The following PTPRT variants were observed in gnomAD, a reference collection of about 807,000 sequenced individuals.
PTPRT encodes receptor-type tyrosine-protein phosphatase T.
A neutral mutation model predicts 176.8 loss-of-function variants in PTPRT; 56 were observed. The ratio of observed to expected loss-of-function variants is 0.32; its 90% confidence interval spans 0.26 to 0.40. The LOEUF is 0.40. Among genes scored for constraint, PTPRT ranks in the 10% least tolerant of loss-of-function variants. PTPRT has a pLI of 1.00. For missense variants in PTPRT, 1,540 were observed against 1,908.2 expected, an observed-to-expected ratio of 0.81 and a Z score of 3.60; for synonymous variants, 783 against 739.0, an observed-to-expected ratio of 1.06 and a Z score of -0.96.
chr20:42,756,846 T>A (rs2076840877), intron 5 of PTPRT, among the ~76,000 whole-genome samples: 1 of 151,598 alleles, frequency 6.6e-6, no homozygotes, highest in South Asian at 2.1e-4. Flanking sequence ...AGGCCAGGAG[T>A]TTGAGACCAG....
chr20:42,590,137 T>A (rs991155453), intron 7 of PTPRT, among the ~76,000 whole-genome samples: 5 of 152,252 alleles, frequency 3.3e-5, no homozygotes, highest in African/African-American at 1.2e-4. Context: ...CCAAGCCACA[T>A]GAAGAGGTCA....
At chr20:42,136,804 G>A (rs1988401850) in intron 18 of PTPRT, among the ~76,000 whole-genome samples, 1 of 152,228 alleles carries the variant, frequency 6.6e-6, no homozygotes. Context: ...GGAAACACCA[G>A]CAGGGGAGTG....
intron 16 of PTPRT, among the ~76,000 whole-genome samples, chr20:42,177,115 A>G (rs1289592005): frequency 2.6e-5 from 4 of 152,212 alleles, no homozygotes; most frequent in African/African-American, 4.8e-5. Context: ...AATTAGACCA[A>G]TGCTTCTCAA....
At chr20:43,099,608 T>G (rs62205304) in intron 1 of PTPRT, among the ~76,000 whole-genome samples, 20,482 of 152,072 alleles carry the variant, frequency 0.13, 1,421 homozygotes, top group South Asian at 0.17. Flanking sequence ...ACCTCCTAAT[T>G]TCCACCTTTA....
At position 42,102,371 on chromosome 20, in the gene PTPRT, C is replaced by T; in HGVS notation, c.3541-74G>A. The T allele has an allele frequency of 2.7e-6, 4 of 1,498,804 alleles. No homozygotes were observed. In the South Asian group the frequency reaches 4.9e-5, roughly 18 times the overall value. 92.8% of individuals were successfully genotyped at this position (1,498,804 alleles called of 1,614,324 possible). On this transcript the variant is annotated intron_variant, in intron 25 of 30. Coordinates refer to ENST00000373187, the MANE Select transcript of PTPRT (RefSeq NM_007050.6). ...CTGAGCAAAAGAGACAGTAATGTTC[C>T]AACTCAGCCTAACTCGCCTATTTCC...
At chr20:42,852,457 T>G (rs1262005629) in intron 2 of PTPRT, among the ~76,000 whole-genome samples, 2 of 152,010 alleles carry the variant, frequency 1.3e-5, no homozygotes, top group African/African-American at 4.8e-5. Context: ...ACCTGCTAAT[T>G]TTTTTTTAGA....
intron 1 of PTPRT, among the ~76,000 whole-genome samples, chr20:42,908,890 C>T (rs981441591): frequency 4.6e-5 from 7 of 152,118 alleles, no homozygotes; most frequent in African/African-American, 1.7e-4. Flanking sequence ...GGTGCCAGGG[C>T]TCATGTTTAT....
intron 9 of PTPRT, among the ~76,000 whole-genome samples, chr20:42,437,374 C>G (rs1398501596): frequency 6.6e-6 from 1 of 152,154 alleles, no homozygotes; most frequent in Non-Finnish European, 1.5e-5. Flanking sequence ...GGGAAAGAAG[C>G]CAACTAGTTC....
At chr20:42,907,878 C>A (rs569128901) in intron 1 of PTPRT, among the ~76,000 whole-genome samples, 1 of 152,070 alleles carries the variant, frequency 6.6e-6, no homozygotes. Context: ...CCAGGTGCCC[C>A]AAAACAGCCC....
chr20:42,241,868 T>C (rs1040543525), intron 14 of PTPRT, among the ~76,000 whole-genome samples: 1 of 152,112 alleles, frequency 6.6e-6, no homozygotes, highest in African/African-American at 2.4e-5. Context: ...GCCACAGAAT[T>C]TGGCATCTCA....
intron 2 of PTPRT, among the ~76,000 whole-genome samples, chr20:42,824,670 TAA>T (rs1261091448): frequency 6.6e-6 from 1 of 151,848 alleles, no homozygotes; most frequent in Non-Finnish European, 1.5e-5. Flanking sequence ...TGAAGAAGAA[TAA>T]AAAATCAAAT....
chr20:43,112,822 T>C (rs150646021), intron 1 of PTPRT, among the ~76,000 whole-genome samples: 2 of 152,340 alleles, frequency 1.3e-5, no homozygotes, highest in East Asian at 3.9e-4. Flanking sequence ...TGTTGGGGTT[T>C]TGCATGTAAC....
intron 15 of PTPRT, among the ~76,000 whole-genome samples, chr20:42,212,926 T>C (rs1279923195): frequency 3.9e-5 from 6 of 152,242 alleles, no homozygotes; most frequent in African/African-American, 1.4e-4. Flanking sequence ...CAGCTTTGGC[T>C]GAGCACATCA....
chr20:42,455,784 GT>G (rs1435830426), intron 8 of PTPRT, among the ~76,000 whole-genome samples: 3 of 152,050 alleles, frequency 2.0e-5, no homozygotes, highest in Non-Finnish European at 2.9e-5. Flanking sequence ...ATATTCAATT[GT>G]TTCTGTTAGA....
intron 13 of PTPRT, among the ~76,000 whole-genome samples, chr20:42,278,721 AC>A (rs1367890787): frequency 6.6e-6 from 1 of 152,108 alleles, no homozygotes; most frequent in Non-Finnish European, 1.5e-5. Flanking sequence ...GAATTGAGAT[AC>A]CTGGGTACCT....
At chr20:43,083,272 C>T (rs928748138) in intron 1 of PTPRT, among the ~76,000 whole-genome samples, 1 of 132,364 alleles carries the variant, frequency 7.6e-6, no homozygotes, top group Non-Finnish European at 1.6e-5. Context: ...ATTTTGAATG[C>T]TTTTTTGAGG....
intron 7 of PTPRT, among the ~76,000 whole-genome samples, chr20:42,550,166 G>C (rs1459548497): frequency 6.6e-6 from 1 of 152,102 alleles, no homozygotes; most frequent in Non-Finnish European, 1.5e-5. Flanking sequence ...TATCCTGATA[G>C]GTTGCCAATC....
At chr20:42,635,313 AG>A (rs1447619971) in intron 7 of PTPRT, among the ~76,000 whole-genome samples, 1 of 152,170 alleles carries the variant, frequency 6.6e-6, no homozygotes, top group African/African-American at 2.4e-5. Flanking sequence ...GATAGCAAAG[AG>A]AACTCCAGTA....
intron 14 of PTPRT, among the ~76,000 whole-genome samples, chr20:42,243,774 C>T (rs1384446236): frequency 6.6e-6 from 1 of 152,126 alleles, no homozygotes; most frequent in Non-Finnish European, 1.5e-5. Context: ...ATCAACTCTG[C>T]CCAAAACGTT....
Sources: gnomAD v4.1 joint callset for allele counts (sites outside exome capture counted in the v4.1 genomes callset) on GRCh38, gnomAD v4.1.1 for gene constraint, MANE v1.5 for transcripts, NCBI Gene and HGNC (gene_info 2026-07-23, HGNC 2026-07-21) for gene names.